The following AKAP19 variants were observed in gnomAD, a reference collection of about 807,000 sequenced individuals.
The protein encoded by AKAP19 is small A-kinase anchoring protein.
chr2:190,060,636 G>A, the AKAP19 span, among the ~76,000 whole-genome samples: 2 of 151,932 alleles, frequency 1.3e-5, no homozygotes, highest in Non-Finnish European at 2.9e-5. Flanking sequence ...TTTTTCAGAC[G>A]TATGTATTTT....
the AKAP19 span, among the ~76,000 whole-genome samples, chr2:190,007,356 C>T: frequency 6.6e-6 from 1 of 152,180 alleles, no homozygotes; most frequent in Non-Finnish European, 1.5e-5. Flanking sequence ...GCACATACAT[C>T]TCAAATGGTA....
chr2:190,033,992 C>G, the AKAP19 span, among the ~76,000 whole-genome samples: 3 of 152,006 alleles, frequency 2.0e-5, no homozygotes, highest in Non-Finnish European at 4.4e-5. Context: ...GTGAGCTACT[C>G]AAAAGAGACA....
chr2:190,132,625 AT>A, the AKAP19 span, among the ~76,000 whole-genome samples: 1 of 152,194 alleles, frequency 6.6e-6, no homozygotes, highest in Admixed American at 6.5e-5. Flanking sequence ...CATATAAAAA[AT>A]CAACTCAAAA....
the AKAP19 span, among the ~76,000 whole-genome samples, chr2:190,112,401 C>G: frequency 2.0e-5 from 3 of 152,156 alleles, no homozygotes; most frequent in African/African-American, 7.2e-5. Flanking sequence ...TACTTAGTTT[C>G]AGGCTTGTCT....
the AKAP19 span, among the ~76,000 whole-genome samples, chr2:190,196,922 A>T: frequency 6.6e-6 from 1 of 152,116 alleles, no homozygotes; most frequent in African/African-American, 2.4e-5. Context: ...CTGGGTGTTT[A>T]TCAATCAGTC....
chr2:189,996,623 T>C, the AKAP19 span, among the ~76,000 whole-genome samples: 1 of 152,230 alleles, frequency 6.6e-6, no homozygotes, highest in Non-Finnish European at 1.5e-5. Context: ...GGTTTGGATT[T>C]ATTGATAGGG....
chr2:190,134,119 A>G, the AKAP19 span, among the ~76,000 whole-genome samples: 1 of 152,194 alleles, frequency 6.6e-6, no homozygotes, highest in Non-Finnish European at 1.5e-5. Context: ...TTTTTAAAAA[A>G]TAGTTGTAGC....
At chr2:190,078,917 TA>T in the AKAP19 span, among the ~76,000 whole-genome samples, 3 of 152,096 alleles carry the variant, frequency 2.0e-5, no homozygotes, top group Non-Finnish European at 2.9e-5. Flanking sequence ...TATCTCCAGC[TA>T]AATCTATATG....
the AKAP19 span, among the ~76,000 whole-genome samples, chr2:189,909,624 A>G: frequency 6.6e-6 from 1 of 152,086 alleles, no homozygotes; most frequent in Non-Finnish European, 1.5e-5. Flanking sequence ...CAAAAACACT[A>G]TGCTTTTACT....
chr2:189,936,558 G>A, the AKAP19 span, among the ~76,000 whole-genome samples: 1 of 152,002 alleles, frequency 6.6e-6, no homozygotes, highest in Non-Finnish European at 1.5e-5. Context: ...TAATATTTTA[G>A]GCTTTGCAGG....
At chr2:189,930,838 T>C in the AKAP19 span, 1 of 775,020 alleles carries the variant, frequency 1.3e-6, no homozygotes, top group Non-Finnish European at 2.4e-6. Context: ...CCTAATTTGT[T>C]AGGATAGGTG....
chr2:190,006,593 C>T, the AKAP19 span, among the ~76,000 whole-genome samples: 2 of 145,706 alleles, frequency 1.4e-5, no homozygotes, highest in East Asian at 2.0e-4. Context: ...GAGCCGAGAT[C>T]ATGCCACTGC....
chr2:190,140,041 T>C, the AKAP19 span, among the ~76,000 whole-genome samples: 4 of 152,082 alleles, frequency 2.6e-5, no homozygotes, highest in African/African-American at 9.7e-5. Flanking sequence ...TTGGCCAAAA[T>C]GAAGGGGCTA....
the AKAP19 span, among the ~76,000 whole-genome samples, chr2:190,129,310 T>C: frequency 6.6e-6 from 1 of 152,212 alleles, no homozygotes; most frequent in Non-Finnish European, 1.5e-5. Flanking sequence ...ATTGGACCCA[T>C]AAATTATTTG....
the AKAP19 span, among the ~76,000 whole-genome samples, chr2:189,926,827 C>A: frequency 1.3e-5 from 2 of 151,962 alleles, no homozygotes; most frequent in Non-Finnish European, 2.9e-5. Flanking sequence ...TCATGATGCG[C>A]CCGTCTTGGC....
the AKAP19 span, among the ~76,000 whole-genome samples, chr2:190,151,615 G>T: frequency 6.6e-6 from 1 of 152,170 alleles, no homozygotes; most frequent in Non-Finnish European, 1.5e-5. Context: ...TATCATTGGT[G>T]GGCATTTGGG....
the AKAP19 span, among the ~76,000 whole-genome samples, chr2:189,887,095 C>A: frequency 2.0e-5 from 3 of 152,114 alleles, no homozygotes; most frequent in African/African-American, 7.2e-5. Context: ...CACCCATCAA[C>A]CCATCATCTA....
the AKAP19 span, among the ~76,000 whole-genome samples, chr2:190,043,710 T>C: frequency 2.0e-5 from 3 of 152,214 alleles, no homozygotes; most frequent in South Asian, 4.1e-4. Context: ...CAGTTCAGTC[T>C]GGTTAAGAAC....
the AKAP19 span, among the ~76,000 whole-genome samples, chr2:189,932,546 C>T: frequency 6.6e-6 from 1 of 151,414 alleles, no homozygotes; most frequent in Non-Finnish European, 1.5e-5. Context: ...ATCCCTTCTC[C>T]TTTATTTACT....
Sources: allele counts gnomAD v4.1 joint callset (sites outside exome capture counted in the v4.1 genomes callset), GRCh38; gene constraint gnomAD v4.1.1; transcripts MANE v1.5; gene names NCBI Gene and HGNC (gene_info 2026-07-23, HGNC 2026-07-21).